SPMIP2: variants seen among roughly 807,000 people sequenced by gnomAD.
SPMIP2 encodes protein SPMIP2.
chr4:159,056,556 C>T, the SPMIP2 span, among the ~76,000 whole-genome samples: 10 of 152,242 alleles, frequency 6.6e-5, no homozygotes, highest in South Asian at 2.1e-4. Context: ...CAAAGAACAT[C>T]GAGGCATGGA....
the SPMIP2 span, among the ~76,000 whole-genome samples, chr4:158,923,385 A>G: frequency 6.6e-6 from 1 of 152,072 alleles, no homozygotes; most frequent in African/African-American, 2.4e-5. Context: ...ATGTATTTCT[A>G]TTTATTTGGG....
the SPMIP2 span, among the ~76,000 whole-genome samples, chr4:159,042,194 G>A: frequency 6.6e-6 from 1 of 152,046 alleles, no homozygotes; most frequent in Non-Finnish European, 1.5e-5. Flanking sequence ...TCCCACCCCT[G>A]TAACTATAAA....
chr4:159,055,979 C>CT, the SPMIP2 span, among the ~76,000 whole-genome samples: 1 of 152,120 alleles, frequency 6.6e-6, no homozygotes, highest in African/African-American at 2.4e-5. Flanking sequence ...TTATTCACAC[C>CT]TGTGTCAAGA....
chr4:158,977,083 T>G, the SPMIP2 span, among the ~76,000 whole-genome samples: 2 of 152,184 alleles, frequency 1.3e-5, no homozygotes, highest in Non-Finnish European at 2.9e-5. Flanking sequence ...CTGCCAGGTT[T>G]TGGTATCAGA....
the SPMIP2 span, among the ~76,000 whole-genome samples, chr4:158,917,608 CCTT>C: frequency 1.3e-5 from 2 of 152,032 alleles, no homozygotes; most frequent in South Asian, 2.1e-4. Context: ...TCCCTCTCCT[CCTT>C]ATTTCCTGGA....
At chr4:158,963,949 A>T in the SPMIP2 span, among the ~76,000 whole-genome samples, 1 of 152,000 alleles carries the variant, frequency 6.6e-6, no homozygotes, top group Non-Finnish European at 1.5e-5. Flanking sequence ...AGGTCAGGAG[A>T]TCAAGACCAT....
chr4:159,063,367 T>TGGCCTCGAGAGAA, the SPMIP2 span, among the ~76,000 whole-genome samples: 1 of 152,060 alleles, frequency 6.6e-6, no homozygotes. Flanking sequence ...GAGACCAGCA[T>TGGCCTCGAGAGAA]GGCCAACATG....
chr4:159,026,329 G>C, the SPMIP2 span: 3 of 633,134 alleles, frequency 4.7e-6, no homozygotes, highest in Admixed American at 4.0e-5. Flanking sequence ...TACCCTGGGA[G>C]AGAAGTTTGA....
At chr4:159,018,540 C>T in the SPMIP2 span, among the ~76,000 whole-genome samples, 34,128 of 152,080 alleles carry the variant, frequency 0.22, 4,032 homozygotes, top group Non-Finnish European at 0.26. Flanking sequence ...TGATATAAAA[C>T]TGGACAAATA....
the SPMIP2 span, among the ~76,000 whole-genome samples, chr4:158,918,784 T>C: frequency 3.9e-5 from 6 of 152,176 alleles, no homozygotes; most frequent in South Asian, 1.2e-3. Flanking sequence ...ACCCAAAGTC[T>C]AAAGAGACAA....
At chr4:159,048,215 T>A in the SPMIP2 span, among the ~76,000 whole-genome samples, 1 of 152,174 alleles carries the variant, frequency 6.6e-6, no homozygotes, top group African/African-American at 2.4e-5. Flanking sequence ...TTGACCGTTT[T>A]GTGTAAGCAC....
At chr4:158,911,343 G>A in the SPMIP2 span, among the ~76,000 whole-genome samples, 62 of 77,690 alleles carry the variant, frequency 8.0e-4, 1 homozygote, top group South Asian at 0.019. Context: ...GCGAGACTCC[G>A]TCTCAAATAA....
chr4:158,932,187 CAATT>C, the SPMIP2 span, among the ~76,000 whole-genome samples: 1 of 152,078 alleles, frequency 6.6e-6, no homozygotes, highest in Non-Finnish European at 1.5e-5. Context: ...TTAAGGAAGA[CAATT>C]AAAATTCTTA....
the SPMIP2 span, among the ~76,000 whole-genome samples, chr4:158,927,436 A>G: frequency 6.6e-6 from 1 of 151,972 alleles, no homozygotes; most frequent in African/African-American, 2.4e-5. Flanking sequence ...TTTTTGGCCA[A>G]TCTCTTACTT....
the SPMIP2 span, among the ~76,000 whole-genome samples, chr4:159,000,025 C>CT: frequency 7.4e-5 from 11 of 148,822 alleles, no homozygotes; most frequent in South Asian, 2.1e-4. Flanking sequence ...CAATTTCTTT[C>CT]TTTTTTTTTT....
the SPMIP2 span, among the ~76,000 whole-genome samples, chr4:159,056,390 G>A: frequency 1.3e-5 from 2 of 152,124 alleles, no homozygotes; most frequent in Non-Finnish European, 2.9e-5. Flanking sequence ...GATGTGCTGA[G>A]TGTGGAATGT....
chr4:158,900,554 C>T, the SPMIP2 span, among the ~76,000 whole-genome samples: 5 of 152,198 alleles, frequency 3.3e-5, no homozygotes, highest in Non-Finnish European at 7.3e-5. Flanking sequence ...GGATAGTTAG[C>T]TCTTCTGGTT....
the SPMIP2 span, among the ~76,000 whole-genome samples, chr4:158,943,149 A>G: frequency 2.6e-5 from 4 of 152,080 alleles, no homozygotes; most frequent in Admixed American, 1.3e-4. Flanking sequence ...GTACCCTCAG[A>G]CTCTATAAAC....
chr4:159,069,875 G>A, the SPMIP2 span, among the ~76,000 whole-genome samples: 1 of 151,912 alleles, frequency 6.6e-6, no homozygotes, highest in Admixed American at 6.6e-5. Flanking sequence ...ACATTAACAA[G>A]AATGGCTTCC....
Sources: gnomAD v4.1 joint callset for allele counts (sites outside exome capture counted in the v4.1 genomes callset) on GRCh38, gnomAD v4.1.1 for gene constraint, MANE v1.5 for transcripts, NCBI Gene and HGNC (gene_info 2026-07-23, HGNC 2026-07-21) for gene names.